The following PCED1A variants were observed in gnomAD, a reference collection of about 807,000 sequenced individuals.
The protein encoded by PCED1A is PC-esterase domain-containing protein 1A.
A neutral mutation model predicts 41.9 loss-of-function variants in PCED1A; 20 were observed. The ratio of observed to expected loss-of-function variants is 0.48; its 90% confidence interval spans 0.34 to 0.69. PCED1A has a LOEUF of 0.69. Ranked by LOEUF, PCED1A falls within the 30% of genes least tolerant of loss-of-function variation. PCED1A has a pLI of 0.01. For synonymous variants in PCED1A, 236 were observed against 241.3 expected (o/e 0.98, Z 0.20); for missense variants, 498 against 602.1 (o/e 0.83, Z 1.81).
At chr20:2,835,831 G>C (rs1382315524) in intron 7 of PCED1A, 122 bp from the exon 8 acceptor site, 1 of 1,482,196 alleles carries the variant, frequency 6.7e-7, no homozygotes, top group Non-Finnish European at 9.0e-7. Context: ...AAAAGGGATA[G>C]TCCTTCCCCT....
At chr20:2,835,911 A>G in intron 7 of PCED1A, 128 bp downstream of exon 7, 1 of 1,441,492 alleles carries the variant, frequency 6.9e-7, no homozygotes, top group African/African-American at 1.4e-5. Context: ...TTTCAGACTC[A>G]GGGACTGCTG....
chr20:2,840,715 C>A, upstream of PCED1A: 2 of 1,531,378 alleles, frequency 1.3e-6, no homozygotes, highest in Non-Finnish European at 1.8e-6. Context: ...AAGTGCCGGC[C>A]TGGAGCCCGC....
rs2088870214 is a variant in PCED1A at position 2,838,240 on chromosome 20, T to C, written c.833A>G (p.Tyr278Cys). Residue 278 changes from tyrosine to cysteine, a missense_variant, in exon 6 of 8, where the codon TAT becomes TGT. Around this residue, in one of 2 missense-constraint regions of PCED1A, gnomAD observed 245 missense variants for 232.4 expected, o/e 1.05. Transcript: ENST00000360652. This position sits in a 1 kb window ranked among gnomAD's most constrained non-coding sequence, Gnocchi z 5.8. ...AWGVELPKRG[Y>C]PPDPWIEDWA... ...CTTATGGTAGGGCTCACCAGGGGGA[T>C]AGCCACGCTTGGGCAGCTCCACGCC... 1 of 1,614,116 alleles carries C rather than the reference T, an allele frequency of 6.2e-7. No homozygotes were observed. The highest frequency in any genetic ancestry group is 1.1e-5 in the South Asian group (1 of 91,076).
At position 2,835,377 on chromosome 20, in the gene PCED1A, T is replaced by G. The variant is rs568986604; in HGVS notation, c.*85A>C. ...CAATGGACAAGAACAATACCAGGCA[T>G]AGCAGACACCCTAGCCCAGTACCTG... On this transcript the variant is annotated 3_prime_UTR_variant, in exon 8 of 8. Transcript: ENST00000360652. The G allele has an allele frequency of 2.0e-6, 3 of 1,477,978 alleles. No individual in the cohort carries two copies. The highest frequency in any genetic ancestry group is 2.7e-6 in the Non-Finnish European group (3 of 1,102,490). The allele number at this position is 1,477,978 out of a possible 1,614,324, so 91.6% of individuals were successfully genotyped here.
chr20:2,838,811 C>T lies in PCED1A; in HGVS notation c.443+33G>A, dbSNP rs181003440. On this transcript the variant is annotated intron_variant, in intron 4 of 7. Transcript: ENST00000360652. The surrounding 1 kb of genome is among the most constrained non-coding windows in gnomAD (Gnocchi z 5.8). Reference sequence around the variant, plus strand: ...GGACTGCCTCAGCCGTACTTCCAGCCCCAACCAGTATTCCCCTTTCCCTCG... The same window carrying T: ...GGACTGCCTCAGCCGTACTTCCAGCTCCAACCAGTATTCCCCTTTCCCTCG... The T allele has an allele frequency of 4.2e-4, 675 of 1,614,184 alleles. 8 individuals are homozygous for T. In the Admixed American group the frequency reaches 0.011, roughly 26 times the overall value.
At position 2,835,444 on chromosome 20, in the gene PCED1A, C is replaced by A. The variant is rs2274668; in HGVS notation, c.*18G>T. 1 of 1,592,226 alleles carries A rather than the reference C, an allele frequency of 6.3e-7. No homozygotes were observed. Among genetic ancestry groups the A allele is most frequent in the African/African-American group, 1.3e-5 (1 of 74,760 alleles). On this transcript the variant is annotated 3_prime_UTR_variant, in exon 8 of 8. Transcript: ENST00000360652. The stretch of plus-strand genomic sequence containing the variant: ...CTGAAGGGCCATTGGCACATCCAGT[C>A]CCAGCCCAAGATCCAGTCTACCCAG...
At chr20:2,840,676 C>T, upstream of PCED1A, 1 of 1,364,916 alleles carries the variant, frequency 7.3e-7, no homozygotes, top group Non-Finnish European at 1.0e-6. Context: ...GCGGCGGCCT[C>T]GCCACGTGAC....
chr20:2,839,747 A>C, intron 2 of PCED1A, 42 bp downstream of exon 2: 1 of 1,607,682 alleles, frequency 6.2e-7, no homozygotes, highest in Non-Finnish European at 8.5e-7. Flanking sequence ...AACGGGCTGC[A>C]AGGTGTGGGA....
chr20:2,837,866 A>G (rs1182885978), intron 6 of PCED1A, among the ~76,000 whole-genome samples: 1 of 152,138 alleles, frequency 6.6e-6, no homozygotes, highest in Non-Finnish European at 1.5e-5. Context: ...TGCTTCTGCC[A>G]CACTGCCTGG....
rs2088871017 is a variant in PCED1A, at chr20:2,838,267, C to T, written c.806G>A (p.Trp269Ter). Residue 269 changes from tryptophan to a stop codon, truncating the protein, a stop_gained, in exon 6 of 8, where the codon TGG becomes TAG. Transcript: ENST00000360652. LOFTEE classifies it high-confidence loss of function. The surrounding 1 kb of genome is among the most constrained non-coding windows in gnomAD (Gnocchi z 5.8). Reference protein sequence around the residue: ...HLLLTHVADAWGVELPKRGYP... With the variant: ...HLLLTHVADA ...GCCACGCTTGGGCAGCTCCACGCCC[C>T]AGGCGTCAGCCACATGGGTCAGAAG... 1 of 1,614,244 alleles carries T rather than the reference C, an allele frequency of 6.2e-7. No homozygotes were observed. The highest frequency in any genetic ancestry group is 8.5e-7 in the Non-Finnish European group (1 of 1,180,044).
In PCED1A at chr20:2,838,791, G is replaced by A; in HGVS notation, c.444-45C>T. The A allele has an allele frequency of 6.2e-7, 1 of 1,613,966 alleles. No homozygotes were observed. The highest frequency in any genetic ancestry group is 8.5e-7 in the Non-Finnish European group (1 of 1,179,956). On this transcript the variant is annotated intron_variant, in intron 4 of 7. Coordinates refer to ENST00000360652, the MANE Select transcript of PCED1A (RefSeq NM_022760.6). The surrounding 1 kb of genome is among the most constrained non-coding windows in gnomAD (Gnocchi z 5.8). ...GTGGGCAAGAGCACAAGGGTGGACT[G>A]CCTCAGCCGTACTTCCAGCCCCAAC...
At chr20:2,837,834 A>G (rs2325970) in intron 6 of PCED1A, among the ~76,000 whole-genome samples, 97,129 of 151,834 alleles carry the variant, frequency 0.64, 32,688 homozygotes, top group East Asian at 0.86. Context: ...CTGTACCCCC[A>G]CCCCCCAGCT....
chr20:2,840,893 C>A, upstream of PCED1A: 1 of 1,473,508 alleles, frequency 6.8e-7, no homozygotes, highest in South Asian at 1.3e-5. Context: ...TGGAGTCTCC[C>A]GGCGGCGTTC....
chr20:2,836,593 C>T (rs908587002), intron 6 of PCED1A, among the ~76,000 whole-genome samples: 8 of 152,146 alleles, frequency 5.3e-5, no homozygotes, highest in East Asian at 1.9e-4. Context: ...GCTTTTTCCT[C>T]GCCCACCTCC....
In PCED1A at chr20:2,839,808, C is replaced by T; in HGVS notation, c.105G>A (p.Val35=). Residue 35 remains valine, a synonymous_variant, in exon 2 of 8, where the codon GTG becomes GTA. Coordinates refer to ENST00000360652, the MANE Select transcript of PCED1A (RefSeq NM_022760.6). ...EVQQLLHNKF[V]VILGDSIQRA... is the part of the protein sequence containing the mutation. ...ACTCACTGGAGTCCCCCAAGATGAC[C>T]ACGAACTTGTTGTGTAGCAGCTGCT... is the stretch of plus-strand genomic sequence containing the variant. 1.2e-6 allele frequency: 2 copies of T among 1,614,166 alleles called. No homozygotes were observed. Among genetic ancestry groups the T allele is most frequent in the African/African-American group, 2.7e-5 (2 of 75,064 alleles).
In PCED1A at chr20:2,840,594, G is replaced by T. The variant is rs944175683; in HGVS notation, c.-405C>A. The T allele has an allele frequency of 3.1e-6, 2 of 651,702 alleles. No individual in the cohort carries two copies. Among genetic ancestry groups the T allele is most frequent in the Non-Finnish European group, 5.3e-6 (2 of 379,002 alleles). 40.4% of individuals were successfully genotyped at this position (651,702 alleles called of 1,614,324 possible). A position where few individuals can be genotyped will look rare whatever the true frequency, so the allele number is the denominator to read the frequency against. ...CCAGGGCTGGGCCCACTTGGCGGGC[G>T]CGAAGCCCAGGTACGGGCTGGGGTC... On this transcript the variant is annotated 5_prime_UTR_variant, in exon 1 of 8. Transcript: ENST00000360652.
Position 2,835,481 on chromosome 20 carries a change from G to A in PCED1A, c.1346C>T (p.Ser449Leu), listed in dbSNP as rs755935826. ...YKLDRRPPAH[S>L]GTWPG ...TCCAGTCTACCCAGGCCATGTCCCCGAATGGGCAGGAGGCCGTCTGTCCAG... is the reference window on the plus strand; with the variant it reads ...TCCAGTCTACCCAGGCCATGTCCCCAAATGGGCAGGAGGCCGTCTGTCCAG... The change falls in exon 8 of 8, where the codon TCG (serine) becomes TTG (leucine). Residue 449 changes from serine to leucine, a missense_variant. Ser to Leu is a moderately radical substitution (Grantham distance 145). Around this residue, in one of 2 missense-constraint regions of PCED1A, gnomAD observed 245 missense variants for 232.4 expected, o/e 1.05. Coordinates refer to ENST00000360652, the MANE Select transcript of PCED1A (RefSeq NM_022760.6). The A allele has an allele frequency of 2.1e-5, 34 of 1,611,074 alleles. No individual in the cohort carries two copies. The highest frequency in any genetic ancestry group is 2.5e-5 in the Non-Finnish European group (30 of 1,177,772).
chr20:2,838,658 G>C lies in PCED1A; in HGVS notation c.532C>G (p.Leu178Val). ...MDQVLPDSCL[L>V]VWNMAMPLGE... Reference sequence around the variant, plus strand: ...AGGGGCATCGCCATGTTCCACACCAGCAGGCAGGAGTCTGGCAATACTTGG... The same window carrying C: ...AGGGGCATCGCCATGTTCCACACCACCAGGCAGGAGTCTGGCAATACTTGG... The change falls in exon 5 of 8, where the codon CTG (leucine) becomes GTG (valine). Residue 178 changes from leucine (L) to valine (V), a missense_variant. Coordinates refer to ENST00000360652, the MANE Select transcript of PCED1A (RefSeq NM_022760.6). The surrounding 1 kb of genome is among the most constrained non-coding windows in gnomAD (Gnocchi z 5.8). 6.2e-7 allele frequency: 1 copy of C among 1,614,202 alleles called. No individual in the cohort carries two copies. Among genetic ancestry groups the C allele is most frequent in the Non-Finnish European group, 8.5e-7 (1 of 1,180,048 alleles).
intron 2 of PCED1A, 82 bp from the exon 3 acceptor site, chr20:2,839,353 A>G (rs2088902280): frequency 1.5e-6 from 2 of 1,326,830 alleles, no homozygotes; most frequent in Non-Finnish European, 2.1e-6. Context: ...CCATTTTCCC[A>G]GGGCTGAGGT....
Sources: allele counts gnomAD v4.1 joint callset (sites outside exome capture counted in the v4.1 genomes callset), GRCh38; gene constraint gnomAD v4.1.1; regional missense constraint gnomAD v4.1.1; non-coding constraint Gnocchi (gnomAD v3.1); transcripts MANE v1.5; gene names NCBI Gene and HGNC (gene_info 2026-07-23, HGNC 2026-07-21).